Variants in NDE1 observed in about 807,000 individuals in gnomAD.
The protein encoded by NDE1 is nuclear distribution protein nudE homolog 1.
Under a neutral mutation model 43.4 loss-of-function variants are expected in NDE1, and 28 were observed. The observed-to-expected ratio is 0.65, with a 90% confidence interval of 0.48 to 0.89. The LOEUF (loss-of-function observed/expected upper bound fraction) is 0.89. Among genes scored for constraint, NDE1 ranks in the 40% least tolerant of loss-of-function variants. The probability of loss-of-function intolerance (pLI) is 0.00; values close to 1 mark genes in which losing one functional copy is unlikely to be tolerated. For synonymous variants in NDE1, 184 were observed against 172.0 expected, an observed-to-expected ratio of 1.07 and a Z score of -0.55; for missense variants, 441 against 434.1, an observed-to-expected ratio of 1.02 and a Z score of -0.14.
intron 1 of NDE1, among the ~76,000 whole-genome samples, chr16:15,660,426 T>C (rs930165155): frequency 7.9e-5 from 12 of 152,066 alleles, no homozygotes; most frequent in African/African-American, 2.4e-4. Flanking sequence ...TGAGCTATGA[T>C]TGTGTCACTG....
intron 8 of NDE1, among the ~76,000 whole-genome samples, chr16:15,702,804 A>G (rs1013847659): frequency 3.9e-5 from 6 of 152,146 alleles, no homozygotes; most frequent in African/African-American, 1.2e-4. Flanking sequence ...TTCTTAAGAT[A>G]CTGGTTTTGA....
At chr16:15,688,786 C>T (rs1055483376) in intron 5 of NDE1, among the ~76,000 whole-genome samples, 3 of 135,906 alleles carry the variant, frequency 2.2e-5, no homozygotes, top group Non-Finnish European at 4.6e-5. Context: ...GCAACCTCTG[C>T]CTCCCAGGTT....
chr16:15,718,959 C>T, intron 8 of NDE1: 2 of 484,022 alleles, frequency 4.1e-6, no homozygotes, highest in Non-Finnish European at 7.5e-6. Context: ...GAAACCCCAC[C>T]TCTACTAAAA....
intron 1 of NDE1, among the ~76,000 whole-genome samples, chr16:15,652,580 G>A (rs531503144): frequency 1.3e-5 from 2 of 152,208 alleles, no homozygotes; most frequent in Admixed American, 6.5e-5. Flanking sequence ...CAAAACCACA[G>A]TAGGAAAAAT....
chr16:15,725,103 G>T lies in NDE1; in HGVS notation c.*852G>T. ...CTAGTACTTGAGGTGTTCACTGATTGAGAAAATACCCGTGAGGTATGGGAC... is the reference window on the plus strand; with the variant it reads ...CTAGTACTTGAGGTGTTCACTGATTTAGAAAATACCCGTGAGGTATGGGAC... On this transcript the variant is annotated 3_prime_UTR_variant, in exon 9 of 9. Transcript: ENST00000396354. 1 of 798,588 alleles carries T rather than the reference G, an allele frequency of 1.3e-6. No homozygotes were observed. The highest frequency in any genetic ancestry group is 2.1e-6 in the Non-Finnish European group (1 of 475,580). The allele number at this position is 798,588 out of a possible 1,614,324, so 49.5% of individuals were successfully genotyped here.
chr16:15,697,862 A>G (rs1596640612), intron 8 of NDE1, among the ~76,000 whole-genome samples: 2 of 144,258 alleles, frequency 1.4e-5, no homozygotes, highest in Non-Finnish European at 3.0e-5. Context: ...GCTGGAGTGT[A>G]GTGGCATGAT....
chr16:15,661,490 T>G (rs1465858900), intron 1 of NDE1, among the ~76,000 whole-genome samples: 1 of 150,016 alleles, frequency 6.7e-6, no homozygotes, highest in South Asian at 2.1e-4. Flanking sequence ...GACGGGATCT[T>G]GCTGTGTTGC....
intron 7 of NDE1, among the ~76,000 whole-genome samples, chr16:15,695,203 C>CTTTTTTTTTTT (rs71134451): frequency 6.0e-4 from 48 of 79,658 alleles, no homozygotes; most frequent in African/African-American, 1.1e-3. Flanking sequence ...AAACTGCCAC[C>CTTTTTTTTTTT]TTTTTTTTTT....
chr16:15,717,448 C>A, intron 8 of NDE1: 4 of 1,246,018 alleles, frequency 3.2e-6, no homozygotes, highest in Non-Finnish European at 4.6e-6. Flanking sequence ...CTGCACGAGT[C>A]CCTTGATCCC....
intron 8 of NDE1, chr16:15,720,385 T>C: frequency 6.5e-7 from 1 of 1,543,076 alleles, no homozygotes; most frequent in Non-Finnish European, 8.8e-7. Context: ...AGGCAGCACA[T>C]CACTGCACCC....
chr16:15,661,482 C>T (rs536799185), intron 1 of NDE1, among the ~76,000 whole-genome samples: 21 of 149,196 alleles, frequency 1.4e-4, no homozygotes, highest in South Asian at 1.1e-3. Context: ...TTTTTTGAGA[C>T]GGGATCTTGC....
rs2040725722 is a variant in NDE1 at position 15,725,805 on chromosome 16, CCAAAGA to C, written c.*1559_*1564del. ...AATGGCTATGCCAAGTGAAAGAAGA[CCAAAGA>C]CAAAAAGACCATGTCATTCAGCAGC... On this transcript the variant is annotated 3_prime_UTR_variant, in exon 9 of 9. Coordinates refer to ENST00000396354, the MANE Select transcript of NDE1 (RefSeq NM_017668.3). The C allele has an allele frequency of 2.5e-6, 1 of 398,106 alleles. No homozygotes were observed. Among genetic ancestry groups the C allele is most frequent in the Non-Finnish European group, 4.4e-6 (1 of 225,912 alleles). The allele number at this position is 398,106 out of a possible 1,614,324, so 24.7% of individuals were successfully genotyped here. A position where few individuals can be genotyped will look rare whatever the true frequency, so the allele number is the denominator to read the frequency against.
chr16:15,705,599 A>G (rs1052669075), intron 8 of NDE1, among the ~76,000 whole-genome samples: 3 of 152,154 alleles, frequency 2.0e-5, no homozygotes, highest in Non-Finnish European at 4.4e-5. Context: ...TAGGACATCA[A>G]AGAAGAGAGC....
rs534417411 is a variant in NDE1, at chr16:15,686,501, G to T, written c.387-874G>T. ...GAACTTCCACTGAGAGGTTAAATATGATCTCTTCCACCTGCTTAAGTGCAT... is the reference window on the plus strand; with the variant it reads ...GAACTTCCACTGAGAGGTTAAATATTATCTCTTCCACCTGCTTAAGTGCAT... On this transcript the variant is annotated intron_variant, in intron 4 of 8. Coordinates refer to ENST00000396354, the MANE Select transcript of NDE1 (RefSeq NM_017668.3). 19 of 985,362 alleles carry T rather than the reference G, an allele frequency of 1.9e-5. No individual in the cohort carries two copies. The Admixed American group carries it at 7.4e-4, about 38-fold the overall frequency. The allele number at this position is 985,362 out of a possible 1,614,324, so 61.0% of individuals were successfully genotyped here.
chr16:15,721,338 G>T lies in NDE1; in HGVS notation c.948-2853G>T. On this transcript the variant is annotated intron_variant, in intron 8 of 8. Coordinates refer to ENST00000396354, the MANE Select transcript of NDE1 (RefSeq NM_017668.3). ...GATAGTTCGCTATGAAAAAGGCCAG[G>T]AGCTAGCCTCGCATGGACTGGTGAA... The T allele has an allele frequency of 4.8e-6, 7 of 1,455,098 alleles. No homozygotes were observed. In the South Asian group the frequency reaches 6.9e-5, roughly 14 times the overall value. The allele number at this position is 1,455,098 out of a possible 1,614,324, so 90.1% of individuals were successfully genotyped here.
intron 5 of NDE1, among the ~76,000 whole-genome samples, chr16:15,688,724 CG>C (rs927782720): frequency 1.7e-4 from 5 of 29,744 alleles, no homozygotes; most frequent in African/African-American, 4.5e-4. Context: ...TTTGAGATGG[CG>C]TCTTGCTCTG....
chr16:15,724,139 G>T, intron 8 of NDE1, 52 bp from the exon 9 acceptor site: 1 of 1,612,172 alleles, frequency 6.2e-7, no homozygotes. Flanking sequence ...GGCCAGAGTG[G>T]GGGACACCCC....
At chr16:15,700,854 C>T (rs2039197021) in intron 8 of NDE1, among the ~76,000 whole-genome samples, 1 of 152,126 alleles carries the variant, frequency 6.6e-6, no homozygotes, top group Non-Finnish European at 1.5e-5. Context: ...CAGGTGGAAT[C>T]GTCTTCCAGA....
At chr16:15,723,023 C>T (rs779163324) in intron 8 of NDE1, among the ~76,000 whole-genome samples, 2 of 152,182 alleles carry the variant, frequency 1.3e-5, no homozygotes, top group Non-Finnish European at 2.9e-5. Context: ...GGATTACAGG[C>T]GTGAGCCACC....
Sources: allele counts gnomAD v4.1 joint callset (sites outside exome capture counted in the v4.1 genomes callset), GRCh38; gene constraint gnomAD v4.1.1; transcripts MANE v1.5; gene names NCBI Gene and HGNC (gene_info 2026-07-23, HGNC 2026-07-21).